The following PITPNC1 variants were observed in gnomAD, a reference collection of about 807,000 sequenced individuals.
PITPNC1 encodes the protein phosphatidylinositol transfer protein cytoplasmic 1.
In PITPNC1, 18 loss-of-function variants were observed where a neutral mutation model predicts 44.7. The ratio of observed to expected loss-of-function variants is 0.40; its 90% confidence interval spans 0.28 to 0.60. The LOEUF is 0.60. Ranked by LOEUF, PITPNC1 falls within the 20% of genes least tolerant of loss-of-function variation. The pLI, the probability that PITPNC1 is intolerant of heterozygous loss-of-function variation, is 0.39. For synonymous variants in PITPNC1, 141 were observed against 149.6 expected, an observed-to-expected ratio of 0.94 and a Z score of 0.42; for missense variants, 290 against 418.4, an observed-to-expected ratio of 0.69 and a Z score of 2.68.
At chr17:67,552,420 C>T in intron 3 of PITPNC1, 75 bp downstream of exon 3, 1 of 856,828 alleles carries the variant, frequency 1.2e-6, no homozygotes, top group South Asian at 1.3e-5. Flanking sequence ...CACTGATTTA[C>T]AGTGGATTAT....
At chr17:67,448,489 C>A (rs559347728) in intron 1 of PITPNC1, among the ~76,000 whole-genome samples, 40 of 152,194 alleles carry the variant, frequency 2.6e-4, no homozygotes, top group East Asian at 1.4e-3. Context: ...CCTAGAAAAC[C>A]GCTTGGTGGT....
At chr17:67,593,646 TC>T (rs1461157617) in intron 5 of PITPNC1, among the ~76,000 whole-genome samples, 1 of 152,180 alleles carries the variant, frequency 6.6e-6, no homozygotes, top group East Asian at 1.9e-4. Flanking sequence ...CAATCTGCCC[TC>T]CTTGACCTTC....
intron 1 of PITPNC1, among the ~76,000 whole-genome samples, chr17:67,444,435 G>T (rs564027193): frequency 2.0e-5 from 3 of 152,048 alleles, no homozygotes; most frequent in African/African-American, 7.2e-5. Context: ...GGTGGCGGAG[G>T]GGGGTGAGCA....
At chr17:67,409,212 G>A (rs1360907073) in intron 1 of PITPNC1, among the ~76,000 whole-genome samples, 2 of 149,674 alleles carry the variant, frequency 1.3e-5, no homozygotes, top group Non-Finnish European at 3.0e-5. Flanking sequence ...AGCCTCCCGA[G>A]TAGCTGGGAC....
rs1441687271 is a variant in PITPNC1, at chr17:67,522,775, G to A, written c.49-10027G>A. 8.7e-5 allele frequency among the ~76,000 whole-genome samples: 13 copies of A among 149,420 alleles called. No homozygotes were observed. In the East Asian group the frequency reaches 1.0e-3, roughly 12 times the overall value. ...CCTCCTGGGCTCAAGCGATCATCCCGCCTCAGCCTCCCGAGTAGCTGGGAC... is the reference window on the plus strand; with the variant it reads ...CCTCCTGGGCTCAAGCGATCATCCCACCTCAGCCTCCCGAGTAGCTGGGAC... On this transcript the variant is annotated intron_variant, in intron 1 of 8. Transcript: ENST00000581322.
intron 1 of PITPNC1, among the ~76,000 whole-genome samples, chr17:67,387,373 T>A (rs1164246930): frequency 6.6e-6 from 1 of 152,072 alleles, no homozygotes. Context: ...TTTTTCCTCA[T>A]CTAAATCTCT....
intron 5 of PITPNC1, among the ~76,000 whole-genome samples, chr17:67,629,295 CAG>C (rs1375073260): frequency 1.2e-5 from 1 of 85,586 alleles, no homozygotes; most frequent in Non-Finnish European, 2.4e-5. Context: ...GTTTTTGAGA[CAG>C]AGTCTCACTC....
intron 4 of PITPNC1, among the ~76,000 whole-genome samples, chr17:67,566,307 G>A (rs572493565): frequency 4.0e-4 from 61 of 152,176 alleles, no homozygotes; most frequent in African/African-American, 1.0e-3. Context: ...AGGTTCAAGC[G>A]ATTCTCCTGC....
intron 5 of PITPNC1, among the ~76,000 whole-genome samples, chr17:67,583,840 C>T (rs550248948): frequency 0.016 from 2,446 of 150,700 alleles, 32 homozygotes; most frequent in South Asian, 0.045. Flanking sequence ...GGAGTACAGG[C>T]GCCCGCCACC....
chr17:67,503,136 A>T (rs910717049), intron 1 of PITPNC1, among the ~76,000 whole-genome samples: 1 of 152,166 alleles, frequency 6.6e-6, no homozygotes, highest in African/African-American at 2.4e-5. Flanking sequence ...CAAAGAAAAC[A>T]TATTTGTTGT....
intron 4 of PITPNC1, among the ~76,000 whole-genome samples, chr17:67,568,266 A>G (rs917104536): frequency 3.9e-5 from 6 of 152,174 alleles, no homozygotes. Flanking sequence ...CATATGATAC[A>G]CTTCCATTTG....
intron 5 of PITPNC1, among the ~76,000 whole-genome samples, chr17:67,595,016 T>C (rs2041441955): frequency 6.6e-6 from 1 of 152,198 alleles, no homozygotes; most frequent in Non-Finnish European, 1.5e-5. Context: ...TGATGGCATG[T>C]TACAATTACA....
At chr17:67,674,144 G>A (rs1479160749) in intron 7 of PITPNC1, among the ~76,000 whole-genome samples, 2 of 152,040 alleles carry the variant, frequency 1.3e-5, no homozygotes, top group Non-Finnish European at 2.9e-5. Flanking sequence ...ATCCCCTCCA[G>A]CATTTATCCT....
chr17:67,543,824 T>G (rs2040640504), intron 2 of PITPNC1, among the ~76,000 whole-genome samples: 1 of 152,176 alleles, frequency 6.6e-6, no homozygotes, highest in African/African-American at 2.4e-5. Context: ...ACTAATGCAT[T>G]AGTACATTTA....
At chr17:67,495,044 T>TTTTTC (rs2039928788) in intron 1 of PITPNC1, among the ~76,000 whole-genome samples, 1 of 61,866 alleles carries the variant, frequency 1.6e-5, no homozygotes, top group Non-Finnish European at 3.1e-5. Flanking sequence ...GGAGTTGTTT[T>TTTTTC]TTTTTTTGTT....
chr17:67,616,079 C>T (rs922157014), intron 5 of PITPNC1, among the ~76,000 whole-genome samples: 3 of 152,136 alleles, frequency 2.0e-5, no homozygotes, highest in Non-Finnish European at 4.4e-5. Context: ...TGAGTCATAG[C>T]ATTTGTGATC....
intron 1 of PITPNC1, among the ~76,000 whole-genome samples, chr17:67,464,725 C>T (rs969725535): frequency 1.3e-5 from 2 of 150,074 alleles, no homozygotes; most frequent in African/African-American, 2.5e-5. Flanking sequence ...TTTTGGACCA[C>T]GATTTTACAA....
At chr17:67,591,322 T>C (rs1163201370) in intron 5 of PITPNC1, among the ~76,000 whole-genome samples, 1 of 152,210 alleles carries the variant, frequency 6.6e-6, no homozygotes, top group Admixed American at 6.5e-5. Flanking sequence ...CTAAATGCAG[T>C]ATGATCCTGG....
At chr17:67,435,931 C>T (rs962435044) in intron 1 of PITPNC1, among the ~76,000 whole-genome samples, 1 of 152,106 alleles carries the variant, frequency 6.6e-6, no homozygotes, top group East Asian at 1.9e-4. Flanking sequence ...GTCCTGTAAT[C>T]GAGTGACCTA....
Sources: allele counts gnomAD v4.1 joint callset (sites outside exome capture counted in the v4.1 genomes callset), GRCh38; gene constraint gnomAD v4.1.1; transcripts MANE v1.5; gene names NCBI Gene and HGNC (gene_info 2026-07-23, HGNC 2026-07-21).